FMO2: variants seen among roughly 807,000 people sequenced by gnomAD.
FMO2 encodes the protein flavin containing dimethylaniline monoxygenase 2, also known as flavin-containing monooxygenase 2.
Under a neutral mutation model 41.6 loss-of-function variants are expected in FMO2, and 33 were observed. That is an observed-to-expected ratio of 0.79 (90% CI 0.60 to 1.06). FMO2 has a LOEUF of 1.06. Among genes scored for constraint, FMO2 ranks in the 50% least tolerant of loss-of-function variants. The pLI is 0.00. For synonymous variants in FMO2, 214 were observed against 219.6 expected, an observed-to-expected ratio of 0.97 and a Z score of 0.23; for missense variants, 619 against 632.9, an observed-to-expected ratio of 0.98 and a Z score of 0.23.
rs2234889 is a variant in FMO2, at chr1:171,209,118, CT to C, written c.1588del (p.Cys530AlafsTer23). ...TGGGCCTTCTTGCTGTTGTTGTGGC[CT>C]TTTTTTGCCAACTTCAATGGTCCTA... ...ILGLLAVVVA[F>X]FCQLQWS On this transcript the variant is annotated frameshift_variant, in exon 9 of 9. Coordinates refer to ENST00000209929, the MANE Select transcript of FMO2 (RefSeq NM_001460.5). LOFTEE classifies it high-confidence loss of function. 13 of 678,886 alleles carry C rather than the reference CT, an allele frequency of 1.9e-5. No homozygotes were observed. The highest frequency in any genetic ancestry group is 4.2e-5 in the South Asian group (2 of 47,134). 42.1% of individuals were successfully genotyped at this position (678,886 alleles called of 1,614,324 possible).
At chr1:171,196,592 T>A in intron 3 of FMO2, 57 bp from the exon 4 acceptor site, 1 of 1,531,318 alleles carries the variant, frequency 6.5e-7, no homozygotes, top group Non-Finnish European at 9.0e-7. Context: ...AAAGACACAC[T>A]TGGCCAATGT....
At chr1:171,187,627 C>CAAA (rs765479366) in intron 2 of FMO2, among the ~76,000 whole-genome samples, 4 of 82,610 alleles carry the variant, frequency 4.8e-5, no homozygotes, top group East Asian at 3.1e-4. Flanking sequence ...AACCTGCCAC[C>CAAA]AAAAAAAAAA....
chr1:171,204,517 T>G (rs139067199), intron 6 of FMO2, among the ~76,000 whole-genome samples: 2 of 152,262 alleles, frequency 1.3e-5, no homozygotes, highest in East Asian at 3.9e-4. Flanking sequence ...GACGTCAAAG[T>G]TATATGTCAG....
intron 4 of FMO2, 182 bp from the exon 5 acceptor site, chr1:171,199,164 G>T (rs896125643): frequency 2.1e-6 from 1 of 483,458 alleles, no homozygotes; most frequent in African/African-American, 2.0e-5. Context: ...CTCCCAAAGG[G>T]CTGGGATTAC....
At chr1:171,203,177 C>CA (rs902073756) in intron 5 of FMO2, among the ~76,000 whole-genome samples, 12 of 151,962 alleles carry the variant, frequency 7.9e-5, no homozygotes, top group South Asian at 6.2e-4. Flanking sequence ...ACCGTCTCTA[C>CA]AAAAAAATTG....
chr1:171,191,272 G>A (rs762819446), intron 2 of FMO2, among the ~76,000 whole-genome samples: 7 of 152,160 alleles, frequency 4.6e-5, no homozygotes, highest in Non-Finnish European at 1.0e-4. Flanking sequence ...TTACTGTAGG[G>A]CCTCAGACAT....
chr1:171,189,941 C>A (rs976149885), intron 2 of FMO2, among the ~76,000 whole-genome samples: 3 of 151,878 alleles, frequency 2.0e-5, no homozygotes, highest in African/African-American at 7.3e-5. Flanking sequence ...AAGGTCCATC[C>A]GAAAGAGTGA....
intron 3 of FMO2, among the ~76,000 whole-genome samples, chr1:171,193,775 A>G (rs1658185216): frequency 7.6e-6 from 1 of 130,730 alleles, no homozygotes; most frequent in Non-Finnish European, 1.6e-5. Context: ...TGATGTCAAA[A>G]CTTTTTTTTT....
rs1290345376 is a variant in FMO2 at position 171,212,200 on chromosome 1, A to G, written c.*3055A>G. 3.9e-5 allele frequency among the ~76,000 whole-genome samples: 6 copies of G among 152,188 alleles called. No individual in the cohort carries two copies. Among genetic ancestry groups the G allele is most frequent in the Non-Finnish European group, 8.8e-5 (6 of 68,044 alleles). ...GTGATTAGGTGAAGTCTCTGCCCTC[A>G]TGAAAAGATTAATCCCATTATCTCA... On this transcript the variant is annotated 3_prime_UTR_variant, in exon 9 of 9. Transcript: ENST00000209929.
In FMO2 at chr1:171,209,039, C is replaced by A; in HGVS notation, c.1502C>A (p.Thr501Asn). The change falls in exon 9 of 9, where the codon ACT becomes AAT. Residue 501 changes from threonine to asparagine, a missense_variant. Coordinates refer to ENST00000209929, the MANE Select transcript of FMO2 (RefSeq NM_001460.5). ...QKQRILKPLKTRALKDSSNFS... is the reference protein window; with the variant it reads ...QKQRILKPLKNRALKDSSNFS... ...CAAAGAATACTGAAGCCACTCAAGA[C>A]TCGGGCCCTGAAGGATTCATCTAAT... 7.8e-7 allele frequency: 1 copy of A among 1,278,804 alleles called. No individual in the cohort carries two copies. 79.2% of individuals were successfully genotyped at this position (1,278,804 alleles called of 1,614,324 possible). A position where few individuals can be genotyped will look rare whatever the true frequency, so the allele number is the denominator to read the frequency against.
At chr1:171,199,798 T>A (rs1445736700) in intron 5 of FMO2, among the ~76,000 whole-genome samples, 1 of 152,194 alleles carries the variant, frequency 6.6e-6, no homozygotes, top group Non-Finnish European at 1.5e-5. Context: ...CACTGCAGCC[T>A]TGACCTCCTG....
chr1:171,187,929 T>G (rs1332852819), intron 2 of FMO2, among the ~76,000 whole-genome samples: 1 of 152,156 alleles, frequency 6.6e-6, no homozygotes, highest in Non-Finnish European at 1.5e-5. Flanking sequence ...ATTAATATCA[T>G]TTTAGTTTTT....
intron 5 of FMO2, among the ~76,000 whole-genome samples, chr1:171,202,099 C>G (rs891909934): frequency 2.0e-5 from 3 of 152,150 alleles, no homozygotes; most frequent in African/African-American, 2.4e-5. Context: ...CCTAAATCCT[C>G]ATGTTTCTCT....
chr1:171,191,342 C>CGT (rs1658075524), intron 2 of FMO2, among the ~76,000 whole-genome samples: 2 of 152,098 alleles, frequency 1.3e-5, no homozygotes, highest in Non-Finnish European at 2.9e-5. Context: ...GAGAAGCCAA[C>CGT]CACATTTTTA....
At position 171,193,531 on chromosome 1, in the gene FMO2, A is replaced by AT. The variant is rs1658174806; in HGVS notation, c.321+13dup. ...AAATATATTCAGTTCCAGGTATTGT[A>AT]TTTTTGGGGAAATGGGTTTCTCTGC... On this transcript the variant is annotated intron_variant, in intron 3 of 8. Transcript: ENST00000209929. 4 of 1,568,668 alleles carry AT rather than the reference A, an allele frequency of 2.5e-6. No homozygotes were observed. The African/African-American group carries it at 5.5e-5, about 21-fold the overall frequency.
Position 171,199,336 on chromosome 1 carries a change from C to T in FMO2, c.485-10C>T. 1 of 1,569,028 alleles carries T rather than the reference C, an allele frequency of 6.4e-7. No homozygotes were observed. Among genetic ancestry groups the T allele is most frequent in the Non-Finnish European group, 8.6e-7 (1 of 1,161,354 alleles). On this transcript the variant is annotated splice_polypyrimidine_tract_variant and intron_variant, in intron 4 of 8. Transcript: ENST00000209929. Reference sequence around the variant, plus strand: ...GGAGCTCACAGACTTCTCTCTTCTTCCCCCTGAAGGTATGGAGAGGTTCAA... The same window carrying T: ...GGAGCTCACAGACTTCTCTCTTCTTTCCCCTGAAGGTATGGAGAGGTTCAA...
At chr1:171,201,795 C>A (rs1658548634) in intron 5 of FMO2, among the ~76,000 whole-genome samples, 1 of 151,570 alleles carries the variant, frequency 6.6e-6, no homozygotes, top group African/African-American at 2.4e-5. Flanking sequence ...ACGGAATGCA[C>A]CTCTTTACGA....
At position 171,212,088 on chromosome 1, in the gene FMO2, T is replaced by C. The variant is rs910184719; in HGVS notation, c.*2943T>C. ...GTTCTTCTCCTGTAAAGAATGTCAA[T>C]GGTTATCACCTTCAATAGTTTCAAT... is the stretch of plus-strand genomic sequence containing the variant. On this transcript the variant is annotated 3_prime_UTR_variant, in exon 9 of 9. Coordinates refer to ENST00000209929, the MANE Select transcript of FMO2 (RefSeq NM_001460.5). Among the ~76,000 whole-genome samples the C allele has an allele frequency of 1.4e-4, 22 of 152,224 alleles. No homozygotes were observed. The highest frequency in any genetic ancestry group is 2.5e-4 in the Non-Finnish European group (17 of 68,038).
chr1:171,205,728 A>G (rs1296287222), intron 7 of FMO2, 94 bp downstream of exon 7: 4 of 862,248 alleles, frequency 4.6e-6, no homozygotes, highest in Non-Finnish European at 5.2e-6. Context: ...AAAGGTTGCC[A>G]AGAAAAAGTT....
Sources: gnomAD v4.1 joint callset for allele counts (sites outside exome capture counted in the v4.1 genomes callset) on GRCh38, gnomAD v4.1.1 for gene constraint, MANE v1.5 for transcripts, NCBI Gene and HGNC (gene_info 2026-07-23, HGNC 2026-07-21) for gene names.